Variants in SNED1 observed in about 807,000 individuals in gnomAD.
SNED1 encodes sushi, nidogen and EGF-like domain-containing protein 1.
A neutral mutation model predicts 166.7 loss-of-function variants in SNED1; 81 were observed. That is an observed-to-expected ratio of 0.49 (90% confidence interval 0.41 to 0.58). The LOEUF is 0.58. SNED1 is among the 20% of genes least tolerant of loss of function. The pLI is 0.00. For synonymous variants in SNED1, 762 were observed against 822.0 expected (o/e 0.93, Z 1.25); for missense variants, 1,604 against 2,000.2 (o/e 0.80, Z 3.78).
intron 2 of SNED1, among the ~76,000 whole-genome samples, chr2:241,031,414 C>G (rs1348000384): frequency 6.6e-6 from 1 of 152,238 alleles, no homozygotes. Context: ...ATCCGCCCAC[C>G]TCGGCCTCCT....
Position 241,073,252 on chromosome 2 carries a change from C to T in SNED1, c.3818-14C>T. ...AGCAGCTGCGCCGTGTGGTCACCGC[C>T]TGGCTTCTCCTAGAACCCACAGCCT... On this transcript the variant is annotated splice_polypyrimidine_tract_variant and intron_variant, in intron 26 of 31. Transcript: ENST00000310397. The surrounding 1 kb of genome is among the most constrained non-coding windows in gnomAD (Gnocchi z 6.6). 6.5e-7 allele frequency: 1 copy of T among 1,547,646 alleles called. No individual in the cohort carries two copies. The highest frequency in any genetic ancestry group is 8.7e-7 in the Non-Finnish European group (1 of 1,143,744).
chr2:241,005,657 G>C (rs2060202754), intron 1 of SNED1, among the ~76,000 whole-genome samples: 2 of 152,114 alleles, frequency 1.3e-5, no homozygotes, highest in East Asian at 3.9e-4. Context: ...TGCTGGGTGG[G>C]TGTAGAATTC....
At chr2:241,031,621 G>T (rs903674711) in intron 2 of SNED1, among the ~76,000 whole-genome samples, 2 of 152,228 alleles carry the variant, frequency 1.3e-5, no homozygotes, top group African/African-American at 4.8e-5. Context: ...GGACAGTTCA[G>T]CTTCATGCAT....
chr2:241,090,297 T>C, intron 31 of SNED1: 1 of 1,549,074 alleles, frequency 6.5e-7, no homozygotes, highest in Non-Finnish European at 8.7e-7. Flanking sequence ...GGATCATCCA[T>C]GTCACCTTCT....
chr2:241,060,582 G>A (rs2062199705), intron 16 of SNED1, among the ~76,000 whole-genome samples: 1 of 152,022 alleles, frequency 6.6e-6, no homozygotes, highest in South Asian at 2.1e-4. Flanking sequence ...ATATTATATT[G>A]GTTCTCTATT....
At position 241,018,294 on chromosome 2, in the gene SNED1, C is replaced by G. The variant is rs920241257; in HGVS notation, c.214-11990C>G. ...AGCAAGATGGAAGCAAGGTTGTGCC[C>G]ACACATGCACTTACATGGGGGCACG... On this transcript the variant is annotated intron_variant, in intron 1 of 31. Transcript: ENST00000310397. This position sits in a 1 kb window ranked among gnomAD's most constrained non-coding sequence, Gnocchi z 5.4. Among the ~76,000 whole-genome samples, 4 of 152,206 alleles carry G rather than the reference C, an allele frequency of 2.6e-5. No homozygotes were observed. The highest frequency in any genetic ancestry group is 5.9e-5 in the Non-Finnish European group (4 of 68,034).
chr2:241,050,463 A>AGG (rs1451622068), intron 12 of SNED1, among the ~76,000 whole-genome samples: 1 of 152,078 alleles, frequency 6.6e-6, no homozygotes, highest in Non-Finnish European at 1.5e-5. Flanking sequence ...CAGTGCCCAG[A>AGG]GGGGGCTGCC....
At chr2:241,049,198 G>A (rs751110782) in intron 11 of SNED1, 63 bp downstream of exon 11, 46 of 1,310,292 alleles carry the variant, frequency 3.5e-5, no homozygotes, top group East Asian at 7.5e-5. Context: ...GGAGAAAGCG[G>A]TGGATGAGGC....
chr2:241,089,387 G>A (rs891471307), intron 31 of SNED1: 8 of 1,550,414 alleles, frequency 5.2e-6, no homozygotes, highest in Admixed American at 3.9e-5. Flanking sequence ...AAGGAGAAAT[G>A]TCATTCAGGA....
intron 24 of SNED1, 34 bp from the exon 25 acceptor site, chr2:241,071,542 C>T: frequency 6.4e-7 from 1 of 1,564,238 alleles, no homozygotes; most frequent in Non-Finnish European, 8.6e-7. Context: ...GAGGGCAGCC[C>T]CAGACCAGCC....
At chr2:241,060,953 T>A (rs769791351) in intron 16 of SNED1, among the ~76,000 whole-genome samples, 1 of 151,960 alleles carries the variant, frequency 6.6e-6, no homozygotes, top group Non-Finnish European at 1.5e-5. Flanking sequence ...CAAAAAAAAC[T>A]ATATAATTTT....
intron 27 of SNED1, among the ~76,000 whole-genome samples, chr2:241,080,747 A>C (rs2063288557): frequency 6.6e-6 from 1 of 152,264 alleles, no homozygotes; most frequent in South Asian, 2.1e-4. Flanking sequence ...AGAAAGAAGA[A>C]GCAACCTAGT....
At position 241,064,986 on chromosome 2, in the gene SNED1, G is replaced by A. The variant is rs779937600; in HGVS notation, c.2713+29G>A. ...GGTGGCGAGGGCGCCTCCAGTGAGG[G>A]AGCCACGAGGGGGTCCCCTCTCCCT... is the stretch of plus-strand genomic sequence containing the variant. On this transcript the variant is annotated intron_variant, in intron 20 of 31. Transcript: ENST00000310397. The surrounding 1 kb of genome is among the most constrained non-coding windows in gnomAD (Gnocchi z 7.0). 4.6e-6 allele frequency: 7 copies of A among 1,508,102 alleles called. No individual in the cohort carries two copies. The South Asian group carries it at 8.7e-5, about 19-fold the overall frequency. The allele number at this position is 1,508,102 out of a possible 1,614,324, so 93.4% of individuals were successfully genotyped here.
intron 31 of SNED1, chr2:241,088,701 A>G (rs572477052): frequency 2.6e-4 from 110 of 418,138 alleles, no homozygotes; most frequent in Middle Eastern, 1.3e-3. Flanking sequence ...AAACCCCTAG[A>G]TCAGCTGCAG....
chr2:241,089,250 T>C, intron 31 of SNED1: 2 of 1,514,726 alleles, frequency 1.3e-6, no homozygotes, highest in Non-Finnish European at 8.9e-7. Context: ...TAGGACAGCT[T>C]TGCTCTTCCT....
At chr2:241,077,691 C>T (rs2063095422) in intron 27 of SNED1, among the ~76,000 whole-genome samples, 2 of 152,082 alleles carry the variant, frequency 1.3e-5, no homozygotes, top group Admixed American at 1.3e-4. Flanking sequence ...GGCAAAGGAC[C>T]TAAAAAGACA....
chr2:241,063,803 G>A (rs2062321530), intron 18 of SNED1, 103 bp downstream of exon 18: 1 of 944,644 alleles, frequency 1.1e-6, no homozygotes, highest in Non-Finnish European at 1.6e-6. Flanking sequence ...AGGCCACCTG[G>A]GGAGAGGGAC....
At position 241,067,760 on chromosome 2, in the gene SNED1, CT is replaced by C. The variant is rs1422768408; in HGVS notation, c.3011-3del. 6.2e-7 allele frequency: 1 copy of C among 1,602,214 alleles called. No individual in the cohort carries two copies. The highest frequency in any genetic ancestry group is 8.5e-7 in the Non-Finnish European group (1 of 1,171,012). On this transcript the variant is annotated splice_polypyrimidine_tract_variant and splice_region_variant and intron_variant, in intron 21 of 31. Coordinates refer to ENST00000310397, the MANE Select transcript of SNED1 (RefSeq NM_001080437.3). ...GCACCTGCTGAACAGTCCATTCCCCCTAGGACCCCGCCCTGTGGAAGGCTTC... is the reference window on the plus strand; with the variant it reads ...GCACCTGCTGAACAGTCCATTCCCCCAGGACCCCGCCCTGTGGAAGGCTTC...
intron 1 of SNED1, among the ~76,000 whole-genome samples, chr2:241,009,574 C>T (rs973767702): frequency 3.9e-5 from 6 of 152,054 alleles, no homozygotes; most frequent in Non-Finnish European, 7.4e-5. Context: ...GGGCATGGCC[C>T]CATGGGGACA....
Sources: allele counts gnomAD v4.1 joint callset (sites outside exome capture counted in the v4.1 genomes callset), GRCh38; gene constraint gnomAD v4.1.1; non-coding constraint Gnocchi (gnomAD v3.1); transcripts MANE v1.5; gene names NCBI Gene and HGNC (gene_info 2026-07-23, HGNC 2026-07-21).